The following SNX33 variants were observed in gnomAD, a reference collection of about 807,000 sequenced individuals.
SNX33 encodes sorting nexin-33.
In SNX33, 19 loss-of-function variants were observed where a neutral mutation model predicts 38.8. That is an observed-to-expected ratio of 0.49 (90% CI 0.34 to 0.72). The LOEUF (loss-of-function observed/expected upper bound fraction) is 0.72, where lower values mean the gene tolerates loss of function less well. Among genes scored for constraint, SNX33 ranks in the 30% least tolerant of loss-of-function variants. The probability of loss-of-function intolerance (pLI) is 0.01; values close to 1 mark genes in which losing one functional copy is unlikely to be tolerated. For synonymous variants in SNX33, 246 were observed against 289.7 expected, an observed-to-expected ratio of 0.85 and a Z score of 1.53; for missense variants, 641 against 776.4, an observed-to-expected ratio of 0.83 and a Z score of 2.07.
Position 75,657,032 on chromosome 15 carries a change from C to T in SNX33, c.1542C>T (p.Asp514=), listed in dbSNP as rs761588673. The T allele has an allele frequency of 1.3e-5, 21 of 1,614,020 alleles. No homozygotes were observed. The highest frequency in any genetic ancestry group is 6.7e-5 in the East Asian group (3 of 44,900). ...GCCGCATGGTGCAGGACGAGGCAGA[C>T]GGCATTCGCAGGCGCTGCCGCGTGG... ...DEGRMVQDEA[D]GIRRRCRVVG... The change falls in exon 2 of 2, where the codon GAC becomes GAT. Residue 514 remains aspartate (D), a synonymous_variant. Transcript: ENST00000308527. The surrounding 1 kb of genome is among the most constrained non-coding windows in gnomAD (Gnocchi z 5.5).
In SNX33 at chr15:75,650,522, C is replaced by CT. The variant is rs768901861; in HGVS notation, c.1421dup (p.Tyr475LeufsTer10). ...CTTCCAGATGCTGGACACACTGTCT[C>CT]TCTACCAGGGCCTGCTCTCCAACTT... On this transcript the variant is annotated frameshift_variant, in exon 1 of 2. Transcript: ENST00000308527. LOFTEE classifies it high-confidence loss of function. The surrounding 1 kb of genome is among the most constrained non-coding windows in gnomAD (Gnocchi z 6.1). 6.2e-7 allele frequency: 1 copy of CT among 1,612,826 alleles called. No individual in the cohort carries two copies. The highest frequency in any genetic ancestry group is 2.2e-5 in the East Asian group (1 of 44,882).
At chr15:75,653,630 C>A (rs1342223173) in intron 1 of SNX33, among the ~76,000 whole-genome samples, 1 of 152,108 alleles carries the variant, frequency 6.6e-6, no homozygotes, top group South Asian at 2.1e-4. Context: ...AGCCAGAAGG[C>A]GAAAGAGGAG....
chr15:75,657,241 C>A lies in SNX33; in HGVS notation c.*26C>A. 6.2e-7 allele frequency: 1 copy of A among 1,612,546 alleles called. No homozygotes were observed. The highest frequency in any genetic ancestry group is 1.3e-5 in the African/African-American group (1 of 75,036). ...CCGCGTGTGCCTGGGCCCCCTCCTT[C>A]CCCTGGGCCTGGTCACTGCAGTGTA... is the stretch of plus-strand genomic sequence containing the variant. On this transcript the variant is annotated 3_prime_UTR_variant, in exon 2 of 2. Coordinates refer to ENST00000308527, the MANE Select transcript of SNX33 (RefSeq NM_153271.2). The surrounding 1 kb of genome is among the most constrained non-coding windows in gnomAD (Gnocchi z 5.5).
rs1477330201 is a variant in SNX33 at position 75,658,372 on chromosome 15, C to G, written c.*1157C>G. ...TGCTTGCCCAGCCATGCGAGGGATT[C>G]CATGCCCACCTGCCCTCTGTCTGCC... On this transcript the variant is annotated 3_prime_UTR_variant, in exon 2 of 2. Coordinates refer to ENST00000308527, the MANE Select transcript of SNX33 (RefSeq NM_153271.2). The surrounding 1 kb of genome is among the most constrained non-coding windows in gnomAD (Gnocchi z 4.1). The G allele has an allele frequency of 1.3e-5, 2 of 152,636 alleles. No homozygotes were observed. The highest frequency in any genetic ancestry group is 2.9e-5 in the Non-Finnish European group (2 of 68,062). 9.5% of individuals were successfully genotyped at this position (152,636 alleles called of 1,614,324 possible).
In SNX33 at chr15:75,648,898, G is replaced by C. The variant is rs1893532154; in HGVS notation, c.-205G>C. On this transcript the variant is annotated 5_prime_UTR_variant, in exon 1 of 2. Transcript: ENST00000308527. The surrounding 1 kb of genome is among the most constrained non-coding windows in gnomAD (Gnocchi z 4.4). ...CAAGCATATGCCCGGAGACCTGATA[G>C]GGCAGTTTCTGGGCCATGGACATTG... 5.5e-6 allele frequency: 3 copies of C among 543,498 alleles called. No homozygotes were observed. Among genetic ancestry groups the C allele is most frequent in the Non-Finnish European group, 9.0e-6 (3 of 331,528 alleles). 33.7% of individuals were successfully genotyped at this position (543,498 alleles called of 1,614,324 possible).
Position 75,649,236 on chromosome 15 carries a change from G to A in SNX33, c.134G>A (p.Arg45His), listed in dbSNP as rs751188113. 44 of 1,614,048 alleles carry A rather than the reference G, an allele frequency of 2.7e-5. No individual in the cohort carries two copies. The highest frequency in any genetic ancestry group is 2.7e-4 in the East Asian group (12 of 44,900). The change falls in exon 1 of 2, where the codon CGT (arginine) becomes CAT (histidine). Residue 45 changes from arginine (R) to histidine (H), a missense_variant. By Grantham distance (29) the Arg-to-His change is conservative. Around this residue, in one of 2 missense-constraint regions of SNX33, gnomAD observed 243 missense variants for 233.9 expected, o/e 1.04. Coordinates refer to ENST00000308527, the MANE Select transcript of SNX33 (RefSeq NM_153271.2). The surrounding 1 kb of genome is among the most constrained non-coding windows in gnomAD (Gnocchi z 6.6). Reference protein sequence around the residue: ...LDGWLQGQNSRGETGLFPASY... With the variant: ...LDGWLQGQNSHGETGLFPASY... ...GGCTGGCTGCAGGGCCAGAACAGCCGTGGGGAGACAGGGCTCTTTCCTGCC... is the reference window on the plus strand; with the variant it reads ...GGCTGGCTGCAGGGCCAGAACAGCCATGGGGAGACAGGGCTCTTTCCTGCC...
In SNX33 at chr15:75,657,165, C is replaced by T. The variant is rs764200361; in HGVS notation, c.1675C>T (p.Arg559Trp). The T allele has an allele frequency of 7.4e-6, 12 of 1,614,126 alleles. No homozygotes were observed. The highest frequency in any genetic ancestry group is 6.7e-5 in the East Asian group (3 of 44,884). ...YLRQQILFYQ[R>W]VGQQLEKTLR... The stretch of plus-strand genomic sequence containing the variant: ...GCGCCAGCAGATCCTCTTCTACCAG[C>T]GGGTGGGCCAGCAGCTGGAGAAGAC... The change falls in exon 2 of 2, where the codon CGG (arginine) becomes TGG (tryptophan). Residue 559 changes from arginine to tryptophan, a missense_variant. Coordinates refer to ENST00000308527, the MANE Select transcript of SNX33 (RefSeq NM_153271.2). This position sits in a 1 kb window ranked among gnomAD's most constrained non-coding sequence, Gnocchi z 5.5.
chr15:75,650,649 G>T lies in SNX33; in HGVS notation c.1471+76G>T. 3.4e-6 allele frequency: 5 copies of T among 1,471,350 alleles called. No individual in the cohort carries two copies. Among genetic ancestry groups the T allele is most frequent in the Non-Finnish European group, 4.5e-6 (5 of 1,103,558 alleles). 91.1% of individuals were successfully genotyped at this position (1,471,350 alleles called of 1,614,324 possible). ...GGCCCTGGGGAGATGGGGATGGCCTGGATAGAATGGAGCAACTTGTCTTTA... is the reference window on the plus strand; with the variant it reads ...GGCCCTGGGGAGATGGGGATGGCCTTGATAGAATGGAGCAACTTGTCTTTA... On this transcript the variant is annotated intron_variant, in intron 1 of 1. Transcript: ENST00000308527. The surrounding 1 kb of genome is among the most constrained non-coding windows in gnomAD (Gnocchi z 6.1).
At position 75,649,438 on chromosome 15, in the gene SNX33, T is replaced by G. The variant is rs371112191; in HGVS notation, c.336T>G (p.Asp112Glu). The G allele has an allele frequency of 7.9e-5, 121 of 1,531,910 alleles. No homozygotes were observed. The highest frequency in any genetic ancestry group is 3.5e-4 in the Middle Eastern group (2 of 5,714). 94.9% of individuals were successfully genotyped at this position (1,531,910 alleles called of 1,614,324 possible). Residue 112 changes from aspartate to glutamate, a missense_variant, in exon 1 of 2, where the codon GAT becomes GAG. By Grantham distance (45) the Asp-to-Glu change is conservative. Transcript: ENST00000308527. This position sits in a 1 kb window ranked among gnomAD's most constrained non-coding sequence, Gnocchi z 6.6. ...CAAACCAGGGTAGCTTTGAGGAGGA[T>G]GATGATGATGACTGGGATGACTGGG... Reference protein sequence around the residue: ...FLSNQGSFEEDDDDDWDDWDD... With the variant: ...FLSNQGSFEEEDDDDWDDWDD...
intron 1 of SNX33, among the ~76,000 whole-genome samples, chr15:75,656,199 G>T (rs1893650338): frequency 6.6e-6 from 1 of 152,104 alleles, no homozygotes; most frequent in South Asian, 2.1e-4. Context: ...GGGGGTGGGG[G>T]TGGGGAGCCA....
At position 75,659,847 on chromosome 15, in the gene SNX33, G is replaced by A; in HGVS notation, c.*2632G>A. On this transcript the variant is annotated 3_prime_UTR_variant, in exon 2 of 2. Transcript: ENST00000308527. ...GGAGTCTTGGGATAATGCCAGGCCT[G>A]CTCCTGGTATCCTGAGGTCTCTGGG... 1 of 152,382 alleles carries A rather than the reference G, an allele frequency of 6.6e-6. No homozygotes were observed. Among genetic ancestry groups the A allele is most frequent in the Non-Finnish European group, 1.5e-5 (1 of 68,120 alleles). 9.4% of individuals were successfully genotyped at this position (152,382 alleles called of 1,614,324 possible).
rs1189548996 is a variant in SNX33, at chr15:75,648,570, A to C, written c.-533A>C. 1 of 982,752 alleles carries C rather than the reference A, an allele frequency of 1.0e-6. No homozygotes were observed. Among genetic ancestry groups the C allele is most frequent in the Non-Finnish European group, 1.2e-6 (1 of 827,522 alleles). 60.9% of individuals were successfully genotyped at this position (982,752 alleles called of 1,614,324 possible). ...TGGCCCAGGAGCAAGAGGAGGAAGG[A>C]GGAAGGGGCAGATCTGCAGAGGAAT... On this transcript the variant is annotated 5_prime_UTR_variant, in exon 1 of 2. Transcript: ENST00000308527. The surrounding 1 kb of genome is among the most constrained non-coding windows in gnomAD (Gnocchi z 4.4).
chr15:75,658,194 A>G lies in SNX33; in HGVS notation c.*979A>G, dbSNP rs1052270207. On this transcript the variant is annotated 3_prime_UTR_variant, in exon 2 of 2. Coordinates refer to ENST00000308527, the MANE Select transcript of SNX33 (RefSeq NM_153271.2). The surrounding 1 kb of genome is among the most constrained non-coding windows in gnomAD (Gnocchi z 4.1). ...CACCTTCCTGGAGAAGACTCTCAAA[A>G]GTGACTGTATATTTGAGTTCACCAG... 11 of 152,694 alleles carry G rather than the reference A, an allele frequency of 7.2e-5. No individual in the cohort carries two copies. The highest frequency in any genetic ancestry group is 2.6e-4 in the African/African-American group (11 of 41,520). 9.5% of individuals were successfully genotyped at this position (152,694 alleles called of 1,614,324 possible). A position where few individuals can be genotyped will look rare whatever the true frequency, so the allele number is the denominator to read the frequency against.
chr15:75,659,774 G>C lies in SNX33; in HGVS notation c.*2559G>C, dbSNP rs971973089. 3 of 152,380 alleles carry C rather than the reference G, an allele frequency of 2.0e-5. No individual in the cohort carries two copies. The highest frequency in any genetic ancestry group is 2.0e-4 in the Admixed American group (3 of 15,284). 9.4% of individuals were successfully genotyped at this position (152,380 alleles called of 1,614,324 possible). On this transcript the variant is annotated 3_prime_UTR_variant, in exon 2 of 2. Coordinates refer to ENST00000308527, the MANE Select transcript of SNX33 (RefSeq NM_153271.2). The stretch of plus-strand genomic sequence containing the variant: ...ATCCTCAGGGTGAGGCCATCAGTCT[G>C]ATACTTTTCTCAGGAGGGACTTGGA...
rs1893726661 is a variant in SNX33 at position 75,661,821 on chromosome 15, A to C, written c.*4606A>C. 1 of 152,168 alleles carries C rather than the reference A, an allele frequency of 6.6e-6. No individual in the cohort carries two copies. Among genetic ancestry groups the C allele is most frequent in the African/African-American group, 2.4e-5 (1 of 41,416 alleles). 9.4% of individuals were successfully genotyped at this position (152,168 alleles called of 1,614,324 possible). A position where few individuals can be genotyped will look rare whatever the true frequency, so the allele number is the denominator to read the frequency against. Reference sequence around the variant, plus strand: ...GAACTCATTTAGGGCCAAAGGAAGAAGGGGAGGCAGATTTCCCCTCTAGAT... The same window carrying C: ...GAACTCATTTAGGGCCAAAGGAAGACGGGGAGGCAGATTTCCCCTCTAGAT... On this transcript the variant is annotated 3_prime_UTR_variant, in exon 2 of 2. Transcript: ENST00000308527. This position sits in a 1 kb window ranked among gnomAD's most constrained non-coding sequence, Gnocchi z 4.5.
Position 75,657,445 on chromosome 15 carries a change from C to T in SNX33, c.*230C>T, listed in dbSNP as rs1893668568. ...GCAGGGGTGAGAATAGAGTCAGGAG[C>T]CCTCGAGGCCAAGGCCTGGGCTGCC... On this transcript the variant is annotated 3_prime_UTR_variant, in exon 2 of 2. Transcript: ENST00000308527. The surrounding 1 kb of genome is among the most constrained non-coding windows in gnomAD (Gnocchi z 5.5). 1 of 689,040 alleles carries T rather than the reference C, an allele frequency of 1.5e-6. No homozygotes were observed. Among genetic ancestry groups the T allele is most frequent in the Non-Finnish European group, 2.4e-6 (1 of 423,476 alleles). 42.7% of individuals were successfully genotyped at this position (689,040 alleles called of 1,614,324 possible).
chr15:75,648,065 C>T lies in SNX33; in HGVS notation c.-1038C>T. On this transcript the variant is annotated 5_prime_UTR_variant, in exon 1 of 2. Coordinates refer to ENST00000308527, the MANE Select transcript of SNX33 (RefSeq NM_153271.2). This position sits in a 1 kb window ranked among gnomAD's most constrained non-coding sequence, Gnocchi z 4.4. ...GACAGACGGCTGGCCGCGCCATCTG[C>T]TCGCCGGAGCTCACTCTCCAAACTC... 4.1e-6 allele frequency: 4 copies of T among 985,466 alleles called. No individual in the cohort carries two copies. The South Asian group carries it at 1.9e-4, about 46-fold the overall frequency. 61.0% of individuals were successfully genotyped at this position (985,466 alleles called of 1,614,324 possible).
In SNX33 at chr15:75,648,188, G is replaced by A; in HGVS notation, c.-915G>A. The A allele has an allele frequency of 1.0e-6, 1 of 985,582 alleles. No individual in the cohort carries two copies. The highest frequency in any genetic ancestry group is 1.7e-5 in the African/African-American group (1 of 57,372). 61.1% of individuals were successfully genotyped at this position (985,582 alleles called of 1,614,324 possible). A position where few individuals can be genotyped will look rare whatever the true frequency, so the allele number is the denominator to read the frequency against. On this transcript the variant is annotated 5_prime_UTR_variant, in exon 1 of 2. Coordinates refer to ENST00000308527, the MANE Select transcript of SNX33 (RefSeq NM_153271.2). The surrounding 1 kb of genome is among the most constrained non-coding windows in gnomAD (Gnocchi z 4.4). ...TCTGCTGGGGTTACCTTTGGACGGGGTTCCTGGGATTCAGAGCAGGGTCAG... is the reference window on the plus strand; with the variant it reads ...TCTGCTGGGGTTACCTTTGGACGGGATTCCTGGGATTCAGAGCAGGGTCAG...
rs1893720919 is a variant in SNX33 at position 75,661,353 on chromosome 15, C to A, written c.*4138C>A. ...AGGAGCCAAGCCTGCTCAGCTCCCC[C>A]ACCCACCCTAACCTGCTTCCCCACT... On this transcript the variant is annotated 3_prime_UTR_variant, in exon 2 of 2. Transcript: ENST00000308527. The surrounding 1 kb of genome is among the most constrained non-coding windows in gnomAD (Gnocchi z 4.5). 1 of 152,014 alleles carries A rather than the reference C, an allele frequency of 6.6e-6. No individual in the cohort carries two copies. The highest frequency in any genetic ancestry group is 2.4e-5 in the African/African-American group (1 of 41,374). 9.4% of individuals were successfully genotyped at this position (152,014 alleles called of 1,614,324 possible).
Sources: allele counts gnomAD v4.1 joint callset (sites outside exome capture counted in the v4.1 genomes callset), GRCh38; gene constraint gnomAD v4.1.1; regional missense constraint gnomAD v4.1.1; non-coding constraint Gnocchi (gnomAD v3.1); transcripts MANE v1.5; gene names NCBI Gene and HGNC (gene_info 2026-07-23, HGNC 2026-07-21).